Variants in PDZRN4 observed in about 807,000 individuals in gnomAD.
PDZRN4 encodes the protein PDZ domain-containing RING finger protein 4.
In PDZRN4, 70 loss-of-function variants were observed where a neutral mutation model predicts 99.0. The ratio of observed to expected loss-of-function variants is 0.71; its 90% CI spans 0.58 to 0.86. The LOEUF (loss-of-function observed/expected upper bound fraction) is 0.86, where lower values mean the gene tolerates loss of function less well. PDZRN4 is among the 40% of genes least tolerant of loss of function. PDZRN4 has a pLI of 0.00. For missense variants in PDZRN4, 1,474 were observed against 1,331.2 expected (o/e 1.11, Z -1.67); for synonymous variants, 551 against 501.6 (o/e 1.10, Z -1.32).
intron 5 of PDZRN4, among the ~76,000 whole-genome samples, chr12:41,531,465 G>T (rs1278440284): frequency 6.6e-6 from 1 of 152,178 alleles, no homozygotes; most frequent in African/African-American, 2.4e-5. Context: ...CCGCCAATCT[G>T]CTCCTCCTGA....
chr12:41,545,917 G>GA (rs534355998), intron 5 of PDZRN4, among the ~76,000 whole-genome samples: 231 of 152,142 alleles, frequency 1.5e-3, no homozygotes, highest in African/African-American at 5.4e-3. Context: ...TGGGAGAGCA[G>GA]AAAGTTGAGG....
chr12:41,420,542 G>A (rs1378492059), intron 3 of PDZRN4, among the ~76,000 whole-genome samples: 3 of 151,998 alleles, frequency 2.0e-5, no homozygotes, highest in East Asian at 1.9e-4. Flanking sequence ...TGACTGATAC[G>A]TTCCAATCAA....
chr12:41,248,877 A>G (rs1029912308), intron 3 of PDZRN4, among the ~76,000 whole-genome samples: 1 of 152,186 alleles, frequency 6.6e-6, no homozygotes, highest in African/African-American at 2.4e-5. Context: ...AGTAATTTAT[A>G]TAATGTCATT....
intron 5 of PDZRN4, among the ~76,000 whole-genome samples, chr12:41,537,666 A>C (rs1364107911): frequency 6.6e-6 from 1 of 152,188 alleles, no homozygotes; most frequent in Non-Finnish European, 1.5e-5. Flanking sequence ...ACTTATATTA[A>C]GAAGATTCAT....
chr12:41,371,833 T>C (rs1952044477), intron 3 of PDZRN4, among the ~76,000 whole-genome samples: 1 of 152,140 alleles, frequency 6.6e-6, no homozygotes, highest in South Asian at 2.1e-4. Flanking sequence ...CTTTGTTTTA[T>C]GCATGATGAA....
At chr12:41,257,521 G>A (rs1951211494) in intron 3 of PDZRN4, among the ~76,000 whole-genome samples, 1 of 152,172 alleles carries the variant, frequency 6.6e-6, no homozygotes, top group South Asian at 2.1e-4. Flanking sequence ...AGCCTTGGGT[G>A]TAAATGGGAT....
At chr12:41,290,008 G>A (rs1477743051) in intron 3 of PDZRN4, among the ~76,000 whole-genome samples, 1 of 152,166 alleles carries the variant, frequency 6.6e-6, no homozygotes, top group Non-Finnish European at 1.5e-5. Flanking sequence ...AAATATATAA[G>A]CTTAAGGCTA....
chr12:41,472,262 C>A (rs972286910), intron 3 of PDZRN4, among the ~76,000 whole-genome samples: 4 of 152,146 alleles, frequency 2.6e-5, no homozygotes, highest in African/African-American at 9.7e-5. Context: ...CTTGGCCTCC[C>A]AAAGTGCCGG....
intron 8 of PDZRN4, 38 bp from the exon 9 acceptor site, chr12:41,567,745 A>C: frequency 1.5e-6 from 2 of 1,341,990 alleles, no homozygotes; most frequent in Non-Finnish European, 2.1e-6. Flanking sequence ...ATGAGTTCTC[A>C]CTAACATAAT....
chr12:41,191,351 C>T lies in PDZRN4; in HGVS notation c.649-107C>T, dbSNP rs899336370. On this transcript the variant is annotated intron_variant, in intron 1 of 9. Transcript: ENST00000402685. Reference sequence around the variant, plus strand: ...CAACCATCCTTAATTTTAAAGTTTTCCTCTTTTCACATGTCAGTTAACTTA... The same window carrying T: ...CAACCATCCTTAATTTTAAAGTTTTTCTCTTTTCACATGTCAGTTAACTTA... The T allele has an allele frequency of 4.0e-5, 25 of 632,730 alleles. No homozygotes were observed. The African/African-American group carries it at 4.6e-4, about 12-fold the overall frequency. 39.2% of individuals were successfully genotyped at this position (632,730 alleles called of 1,614,324 possible). A position where few individuals can be genotyped will look rare whatever the true frequency, so the allele number is the denominator to read the frequency against.
intron 3 of PDZRN4, among the ~76,000 whole-genome samples, chr12:41,348,324 A>C (rs764537255): frequency 2.0e-5 from 3 of 152,104 alleles, no homozygotes; most frequent in African/African-American, 7.2e-5. Flanking sequence ...GGATCTGCTA[A>C]GTCAAGATAA....
chr12:41,232,835 A>G (rs979001448), intron 3 of PDZRN4, among the ~76,000 whole-genome samples: 3 of 151,322 alleles, frequency 2.0e-5, no homozygotes, highest in Non-Finnish European at 4.4e-5. Context: ...TCCATCTTGA[A>G]TTAATTTTCG....
intron 3 of PDZRN4, among the ~76,000 whole-genome samples, chr12:41,413,668 A>T (rs537494807): frequency 6.6e-6 from 1 of 152,250 alleles, no homozygotes; most frequent in South Asian, 2.1e-4. Flanking sequence ...ATTATTGTCA[A>T]TTTAAATTTT....
chr12:41,444,568 G>A (rs554502203), intron 3 of PDZRN4, among the ~76,000 whole-genome samples: 1 of 152,232 alleles, frequency 6.6e-6, no homozygotes, highest in East Asian at 1.9e-4. Context: ...GCATTTCAGT[G>A]CAGAAATGTG....
chr12:41,234,991 T>C (rs1424982640), intron 3 of PDZRN4, among the ~76,000 whole-genome samples: 2 of 152,034 alleles, frequency 1.3e-5, no homozygotes, highest in African/African-American at 4.8e-5. Context: ...ATGACCCCAC[T>C]AACCTACACC....
chr12:41,191,330 C>A, intron 1 of PDZRN4, 128 bp from the exon 2 acceptor site: 1 of 605,244 alleles, frequency 1.7e-6, no homozygotes, highest in Non-Finnish European at 2.9e-6. Flanking sequence ...CACATTCAAC[C>A]ATCCTTAATT....
At chr12:41,248,487 T>C (rs1951147600) in intron 3 of PDZRN4, among the ~76,000 whole-genome samples, 1 of 149,766 alleles carries the variant, frequency 6.7e-6, no homozygotes. Flanking sequence ...CTAAATCCAG[T>C]AAGTTAGTGT....
chr12:41,573,969 T>C lies in PDZRN4; in HGVS notation c.*79T>C. On this transcript the variant is annotated 3_prime_UTR_variant, in exon 10 of 10. Transcript: ENST00000402685. ...TAGAGTATGATTGCCTCGTTCAATG[T>C]GGCGTTTTTATATATATTTTGTGAC... 1 of 1,016,562 alleles carries C rather than the reference T, an allele frequency of 9.8e-7. No homozygotes were observed. Among genetic ancestry groups the C allele is most frequent in the Non-Finnish European group, 1.4e-6 (1 of 713,666 alleles). The allele number at this position is 1,016,562 out of a possible 1,614,324, so 63.0% of individuals were successfully genotyped here. A position where few individuals can be genotyped will look rare whatever the true frequency, so the allele number is the denominator to read the frequency against.
chr12:41,420,079 T>C (rs1403645960), intron 3 of PDZRN4, among the ~76,000 whole-genome samples: 1 of 152,214 alleles, frequency 6.6e-6, no homozygotes, highest in Non-Finnish European at 1.5e-5. Context: ...AAGAAAACTA[T>C]AACCTCACTT....
Sources: allele counts gnomAD v4.1 joint callset (sites outside exome capture counted in the v4.1 genomes callset), GRCh38; gene constraint gnomAD v4.1.1; transcripts MANE v1.5; gene names NCBI Gene and HGNC (gene_info 2026-07-23, HGNC 2026-07-21).